Variants in POLR3B observed in about 807,000 individuals in gnomAD.
The protein encoded by POLR3B is RNA polymerase III subunit B.
In POLR3B, 96 loss-of-function variants were observed where a neutral mutation model predicts 147.4. The ratio of observed to expected loss-of-function variants is 0.65; its 90% CI spans 0.55 to 0.77. POLR3B has a LOEUF of 0.77. POLR3B is among the 30% of genes least tolerant of loss of function. POLR3B has a pLI of 0.00. For synonymous variants in POLR3B, 461 were observed against 485.9 expected (o/e 0.95, Z 0.67); for missense variants, 1,036 against 1,413.5 (o/e 0.73, Z 4.28).
At chr12:106,491,440 G>C (rs937742697) in intron 23 of POLR3B, among the ~76,000 whole-genome samples, 1 of 152,066 alleles carries the variant, frequency 6.6e-6, no homozygotes, top group Admixed American at 6.6e-5. Flanking sequence ...ACTAATACTG[G>C]GCACTGGTTG....
At chr12:106,463,056 ATGTT>A (rs2037961903) in intron 22 of POLR3B, among the ~76,000 whole-genome samples, 1 of 152,104 alleles carries the variant, frequency 6.6e-6, no homozygotes, top group Admixed American at 6.5e-5. Flanking sequence ...ATTTCTAATA[ATGTT>A]TGTTATGTGA....
chr12:106,509,869 A>C lies in POLR3B; in HGVS notation c.*320A>C. 4.0e-6 allele frequency: 1 copy of C among 252,066 alleles called. No individual in the cohort carries two copies. Among genetic ancestry groups the C allele is most frequent in the Non-Finnish European group, 7.9e-6 (1 of 126,606 alleles). 15.6% of individuals were successfully genotyped at this position (252,066 alleles called of 1,614,324 possible). On this transcript the variant is annotated 3_prime_UTR_variant, in exon 28 of 28. Transcript: ENST00000228347. ...TGACATTCACTCATTAGAAGACCTT[A>C]CTCCTTCAAGCAAATGTTTGGGGTC...
At chr12:106,384,699 A>G (rs2036811125) in intron 9 of POLR3B, among the ~76,000 whole-genome samples, 2 of 152,134 alleles carry the variant, frequency 1.3e-5, no homozygotes, top group Admixed American at 6.6e-5. Context: ...AGGTGTTCCA[A>G]AGGGCAAACA....
At chr12:106,359,446 C>T (rs547822927) in intron 1 of POLR3B, among the ~76,000 whole-genome samples, 2 of 151,776 alleles carry the variant, frequency 1.3e-5, no homozygotes, top group African/African-American at 2.4e-5. Context: ...ATTCTCCTGC[C>T]TCAGCCTCCC....
chr12:106,432,405 T>C lies in POLR3B; in HGVS notation c.1552T>C (p.Leu518=), dbSNP rs750584323. The C allele has an allele frequency of 6.2e-7, 1 of 1,613,454 alleles. No individual in the cohort carries two copies. Among genetic ancestry groups the C allele is most frequent in the Non-Finnish European group, 8.5e-7 (1 of 1,179,410 alleles). ...DGPIVKLASN[L]GVEDVNLLCG... is the part of the protein sequence containing the mutation. Reference sequence around the variant, plus strand: ...ACCCATTGTTAAATTAGCCAGTAACTTGGGAGTAGAAGATGTGAATTTATT... The same window carrying C: ...ACCCATTGTTAAATTAGCCAGTAACCTGGGAGTAGAAGATGTGAATTTATT... The change falls in exon 15 of 28, where the codon TTG becomes CTG. Residue 518 remains leucine, a synonymous_variant. Coordinates refer to ENST00000228347, the MANE Select transcript of POLR3B (RefSeq NM_018082.6).
At chr12:106,400,393 T>G (rs938724083) in intron 10 of POLR3B, among the ~76,000 whole-genome samples, 2 of 152,174 alleles carry the variant, frequency 1.3e-5, no homozygotes, top group African/African-American at 4.8e-5. Context: ...TGGGAGACTT[T>G]AACACCCCAC....
At chr12:106,464,700 C>G (rs998554732) in intron 23 of POLR3B, among the ~76,000 whole-genome samples, 1 of 152,168 alleles carries the variant, frequency 6.6e-6, no homozygotes, top group Non-Finnish European at 1.5e-5. Flanking sequence ...TCTACCTTGA[C>G]TCTCACATTT....
In POLR3B at chr12:106,494,106, T is replaced by C. The variant is rs567711048; in HGVS notation, c.2714-1949T>C. On this transcript the variant is annotated intron_variant, in intron 23 of 27. Transcript: ENST00000228347. ...CTGCACTAAATATTCTTAATCAGAT[T>C]TCAAGCAAAGGTATTAGAGATTCAC... is the stretch of plus-strand genomic sequence containing the variant. 1.6e-4 allele frequency among the ~76,000 whole-genome samples: 24 copies of C among 152,264 alleles called. No homozygotes were observed. The South Asian group carries it at 5.0e-3, about 32-fold the overall frequency.
At chr12:106,412,129 T>G (rs1437269816) in intron 12 of POLR3B, among the ~76,000 whole-genome samples, 3 of 152,214 alleles carry the variant, frequency 2.0e-5, no homozygotes, top group South Asian at 4.1e-4. Flanking sequence ...TGTCTGATAA[T>G]TTTGGATTGC....
chr12:106,439,319 C>T (rs928445510), intron 18 of POLR3B, among the ~76,000 whole-genome samples: 3 of 152,094 alleles, frequency 2.0e-5, no homozygotes, highest in Non-Finnish European at 4.4e-5. Flanking sequence ...ATGGGTTACA[C>T]TGAGCTATGA....
At chr12:106,391,283 T>C (rs2036910074) in intron 9 of POLR3B, among the ~76,000 whole-genome samples, 1 of 152,166 alleles carries the variant, frequency 6.6e-6, no homozygotes, top group Admixed American at 6.5e-5. Flanking sequence ...GAGAGAGCAC[T>C]TTCAGACAGA....
At chr12:106,486,809 G>C (rs1033311974) in intron 23 of POLR3B, among the ~76,000 whole-genome samples, 1 of 152,180 alleles carries the variant, frequency 6.6e-6, no homozygotes, top group Non-Finnish European at 1.5e-5. Flanking sequence ...GGGTCCTCTG[G>C]TCAGGCTTTA....
At chr12:106,454,143 A>G (rs1201304561) in intron 19 of POLR3B, among the ~76,000 whole-genome samples, 3 of 152,148 alleles carry the variant, frequency 2.0e-5, no homozygotes, top group Non-Finnish European at 2.9e-5. Flanking sequence ...TTGTTCTTAC[A>G]TTACCTCTCC....
chr12:106,487,403 C>T (rs2038354548), intron 23 of POLR3B, among the ~76,000 whole-genome samples: 1 of 152,180 alleles, frequency 6.6e-6, no homozygotes, highest in African/African-American at 2.4e-5. Context: ...CAAGTTGACA[C>T]ATACATATTA....
At chr12:106,450,684 A>G (rs1298990604) in intron 19 of POLR3B, among the ~76,000 whole-genome samples, 1 of 152,188 alleles carries the variant, frequency 6.6e-6, no homozygotes, top group Non-Finnish European at 1.5e-5. Flanking sequence ...AATTAAAAAG[A>G]CTGACCTACT....
At position 106,368,758 on chromosome 12, in the gene POLR3B, T is replaced by A. The variant is rs144082810; in HGVS notation, c.228-517T>A. On this transcript the variant is annotated intron_variant, in intron 4 of 27. Transcript: ENST00000228347. ...ATTATTATGGTTTAAGAGTTAGACT[T>A]GCACAAAAAAGTATATTCAGAAAAT... Among the ~76,000 whole-genome samples the A allele has an allele frequency of 1.9e-3, 284 of 152,238 alleles. 1 individual carries two copies. Among genetic ancestry groups the A allele is most frequent in the African/African-American group, 6.4e-3 (267 of 41,550 alleles).
intron 23 of POLR3B, among the ~76,000 whole-genome samples, chr12:106,474,861 T>C (rs1019096794): frequency 3.3e-5 from 5 of 151,998 alleles, no homozygotes; most frequent in Non-Finnish European, 5.9e-5. Context: ...GTGTCTCTAT[T>C]TCTTTCAGTT....
At chr12:106,370,638 T>G (rs573171749) in intron 6 of POLR3B, among the ~76,000 whole-genome samples, 16 of 150,370 alleles carry the variant, frequency 1.1e-4, no homozygotes, top group African/African-American at 9.7e-5. Context: ...ATTGTTTTTT[T>G]TTTTTTTTTT....
intron 12 of POLR3B, among the ~76,000 whole-genome samples, chr12:106,421,896 C>A (rs1313144092): frequency 6.6e-6 from 1 of 152,016 alleles, no homozygotes; most frequent in Non-Finnish European, 1.5e-5. Context: ...GATGGAGTTT[C>A]ACCATGTTGG....
Sources: gnomAD v4.1 joint callset for allele counts (sites outside exome capture counted in the v4.1 genomes callset) on GRCh38, gnomAD v4.1.1 for gene constraint, MANE v1.5 for transcripts, NCBI Gene and HGNC (gene_info 2026-07-23, HGNC 2026-07-21) for gene names.